The following XXYLT1 variants were observed in gnomAD, a reference collection of about 807,000 sequenced individuals.
XXYLT1 encodes the protein UDP-xylose:alpha-xyloside alpha-1,3-xylosyltransferase.
XXYLT1 carries 20 observed loss-of-function variants against 28.9 expected under a neutral mutation model. The observed-to-expected ratio is 0.69, with a 90% CI of 0.49 to 1.00. The LOEUF (loss-of-function observed/expected upper bound fraction) is 1.00, where lower values mean the gene tolerates loss of function less well. Ranked by LOEUF, XXYLT1 falls within the 50% of genes least tolerant of loss-of-function variation. The probability of loss-of-function intolerance (pLI) is 0.00; values close to 1 mark genes in which losing one functional copy is unlikely to be tolerated. For missense variants in XXYLT1, 542 were observed against 560.1 expected (o/e 0.97, Z 0.33); for synonymous variants, 257 against 253.8 (o/e 1.01, Z -0.12).
At chr3:195,149,210 T>TAC (rs1227967671) in intron 3 of XXYLT1, among the ~76,000 whole-genome samples, 3 of 151,940 alleles carry the variant, frequency 2.0e-5, no homozygotes, top group Non-Finnish European at 2.9e-5. Flanking sequence ...TATTTACATA[T>TAC]ACACACACAC....
At chr3:195,155,590 C>G (rs1432392424) in intron 3 of XXYLT1, among the ~76,000 whole-genome samples, 1 of 150,842 alleles carries the variant, frequency 6.6e-6, no homozygotes, top group African/African-American at 2.4e-5. Flanking sequence ...AAAGTGCATG[C>G]AAACATGAAG....
chr3:195,179,384 T>C (rs1367822544), intron 2 of XXYLT1, among the ~76,000 whole-genome samples: 1 of 149,636 alleles, frequency 6.7e-6, no homozygotes, highest in Non-Finnish European at 1.5e-5. Context: ...GATGGGATCG[T>C]ACCTCAGAGT....
chr3:195,166,753 C>T (rs1459287257), intron 2 of XXYLT1, among the ~76,000 whole-genome samples: 1 of 152,164 alleles, frequency 6.6e-6, no homozygotes, highest in Non-Finnish European at 1.5e-5. Flanking sequence ...ACGATCTCAG[C>T]TCACTGCAAC....
intron 2 of XXYLT1, among the ~76,000 whole-genome samples, chr3:195,161,122 G>T (rs1452559095): frequency 6.6e-6 from 1 of 152,172 alleles, no homozygotes; most frequent in Non-Finnish European, 1.5e-5. Context: ...GCCAGGCCCT[G>T]GGAAGGCTTT....
chr3:195,082,565 T>A lies in XXYLT1; in HGVS notation c.786-12454A>T, dbSNP rs1715493783. The stretch of plus-strand genomic sequence containing the variant: ...AAAAGTGAGGAACCCTGAAGAAGGA[T>A]CTCTCGGCTGGGCACGGTGGCTCAC... On this transcript the variant is annotated intron_variant, in intron 3 of 3. Coordinates refer to ENST00000310380, the MANE Select transcript of XXYLT1 (RefSeq NM_152531.5). Among the ~76,000 whole-genome samples, 3 of 152,064 alleles carry A rather than the reference T, an allele frequency of 2.0e-5. No individual in the cohort carries two copies. The South Asian group carries it at 6.2e-4, about 31-fold the overall frequency.
intron 1 of XXYLT1, 70 bp downstream of exon 1, chr3:195,270,485 G>C: frequency 1.5e-6 from 2 of 1,350,374 alleles, no homozygotes; most frequent in East Asian, 6.1e-5. Flanking sequence ...TCCCCTCCGG[G>C]AGCGCAAACT....
chr3:195,261,686 G>T (rs576435391), intron 1 of XXYLT1, among the ~76,000 whole-genome samples: 6 of 151,970 alleles, frequency 3.9e-5, no homozygotes, highest in African/African-American at 1.5e-4. Flanking sequence ...GTTTTTTGGG[G>T]TTTTTTTAAG....
intron 3 of XXYLT1, among the ~76,000 whole-genome samples, chr3:195,086,767 A>T (rs1433047441): frequency 6.6e-6 from 1 of 151,946 alleles, no homozygotes; most frequent in Admixed American, 6.6e-5. Context: ...AGACAAGCAA[A>T]GGGTTTAGGA....
chr3:195,149,629 T>C (rs1034259520), intron 3 of XXYLT1, among the ~76,000 whole-genome samples: 2 of 152,256 alleles, frequency 1.3e-5, no homozygotes, highest in Non-Finnish European at 2.9e-5. Flanking sequence ...CTGCTGCAAC[T>C]ATACTGCAAT....
At chr3:195,122,135 G>A (rs1718390882) in intron 3 of XXYLT1, 1 of 702,868 alleles carries the variant, frequency 1.4e-6, no homozygotes, top group Non-Finnish European at 2.6e-6. Flanking sequence ...TCCTCATATG[G>A]TGAAGGGGTG....
chr3:195,231,645 G>A (rs1724304058), intron 1 of XXYLT1, among the ~76,000 whole-genome samples: 1 of 151,926 alleles, frequency 6.6e-6, no homozygotes, highest in South Asian at 2.1e-4. Context: ...ATGATCATAT[G>A]GTTTTTGCCC....
chr3:195,227,091 G>A (rs745801361), intron 1 of XXYLT1, among the ~76,000 whole-genome samples: 1 of 152,160 alleles, frequency 6.6e-6, no homozygotes, highest in African/African-American at 2.4e-5. Flanking sequence ...GTGGCATGCA[G>A]GCATGCATGT....
At chr3:195,236,962 C>T (rs1184556153) in intron 1 of XXYLT1, among the ~76,000 whole-genome samples, 1 of 152,120 alleles carries the variant, frequency 6.6e-6, no homozygotes, top group Non-Finnish European at 1.5e-5. Flanking sequence ...TGAGCTGGTA[C>T]CCAAGTTGCA....
At position 195,210,406 on chromosome 3, in the gene XXYLT1, G is replaced by A. The variant is rs1390571134; in HGVS notation, c.652+16303C>T. Among the ~76,000 whole-genome samples, 1 of 152,222 alleles carries A rather than the reference G, an allele frequency of 6.6e-6. No individual in the cohort carries two copies. The highest frequency in any genetic ancestry group is 1.5e-5 in the Non-Finnish European group (1 of 68,044). On this transcript the variant is annotated intron_variant, in intron 2 of 3. Transcript: ENST00000310380. The surrounding 1 kb of genome is among the most constrained non-coding windows in gnomAD (Gnocchi z 4.8). ...AGTGCCCTGAACACAGTGGGCAGGA[G>A]GACGGACTCCTCATGGGTGAGGCGA...
At position 195,156,405 on chromosome 3, in the gene XXYLT1, T is replaced by TG. The variant is rs148950081; in HGVS notation, c.785+43dup. Reference sequence around the variant, plus strand: ...CTGGCAGAAGAGAGAGGGTGAAGGGTGGGGAGGGGTCGTGGAGGCGGCCCC... The same window carrying TG: ...CTGGCAGAAGAGAGAGGGTGAAGGGTGGGGGAGGGGTCGTGGAGGCGGCCCC... On this transcript the variant is annotated intron_variant, in intron 3 of 3. Coordinates refer to ENST00000310380, the MANE Select transcript of XXYLT1 (RefSeq NM_152531.5). 586 of 1,598,924 alleles carry TG rather than the reference T, an allele frequency of 3.7e-4. 2 individuals are homozygous for TG. In the African/African-American group the frequency reaches 6.9e-3, roughly 19 times the overall value.
chr3:195,156,347 G>T, intron 3 of XXYLT1, 102 bp downstream of exon 3: 1 of 1,532,778 alleles, frequency 6.5e-7, no homozygotes, highest in Non-Finnish European at 8.7e-7. Context: ...AGTGCAGAAG[G>T]ATCGGACGCC....
At chr3:195,189,097 C>T (rs1267037214) in intron 2 of XXYLT1, among the ~76,000 whole-genome samples, 1 of 152,134 alleles carries the variant, frequency 6.6e-6, no homozygotes, top group East Asian at 1.9e-4. Flanking sequence ...ATTCAAATTT[C>T]CCAAGAGCTT....
chr3:195,253,718 C>T (rs1162061923), intron 1 of XXYLT1, among the ~76,000 whole-genome samples: 1 of 151,974 alleles, frequency 6.6e-6, no homozygotes, highest in African/African-American at 2.4e-5. Flanking sequence ...AGGCTGGTCT[C>T]GAACTCCTGA....
chr3:195,176,248 G>C lies in XXYLT1; in HGVS notation c.653-19667C>G, dbSNP rs1319723668. ...ATTTCTGTATTTTTTGTAGAGACAG[G>C]GTTTCACCATGTTGCCCAGGCTGTA... On this transcript the variant is annotated intron_variant, in intron 2 of 3. Transcript: ENST00000310380. This position sits in a 1 kb window ranked among gnomAD's most constrained non-coding sequence, Gnocchi z 4.9. Among the ~76,000 whole-genome samples the C allele has an allele frequency of 6.6e-6, 1 of 152,104 alleles. No individual in the cohort carries two copies. The highest frequency in any genetic ancestry group is 1.5e-5 in the Non-Finnish European group (1 of 68,020).
Sources: gnomAD v4.1 joint callset for allele counts (sites outside exome capture counted in the v4.1 genomes callset) on GRCh38, gnomAD v4.1.1 for gene constraint, Gnocchi (gnomAD v3.1) non-coding constraint, MANE v1.5 for transcripts, NCBI Gene and HGNC (gene_info 2026-07-23, HGNC 2026-07-21) for gene names.